Variants in FBXL7 observed in about 807,000 individuals in gnomAD.
The protein encoded by FBXL7 is F-box and leucine rich repeat protein 7.
A neutral mutation model predicts 38.3 loss-of-function variants in FBXL7; 12 were observed. That is an observed-to-expected ratio of 0.31 (90% CI 0.20 to 0.51). The LOEUF (loss-of-function observed/expected upper bound fraction) is 0.51. Among genes scored for constraint, FBXL7 ranks in the 20% least tolerant of loss-of-function variants. The pLI, the probability that FBXL7 is intolerant of heterozygous loss-of-function variation, is 0.98. For synonymous variants in FBXL7, 297 were observed against 300.9 expected (o/e 0.99, Z 0.13); for missense variants, 567 against 676.4 (o/e 0.84, Z 1.79).
chr5:15,566,492 T>A (rs565837433), intron 1 of FBXL7, among the ~76,000 whole-genome samples: 1 of 152,252 alleles, frequency 6.6e-6, no homozygotes, highest in South Asian at 2.1e-4. Context: ...GTAACTACCA[T>A]GTGCAGTGCA....
At chr5:15,564,416 A>G (rs796828844) in intron 1 of FBXL7, among the ~76,000 whole-genome samples, 103 of 116,766 alleles carry the variant, frequency 8.8e-4, no homozygotes, top group Middle Eastern at 4.3e-3. Flanking sequence ...GTGTGTGTGT[A>G]TGTGTATACA....
In FBXL7 at chr5:15,865,815, A is replaced by T. The variant is rs550344299; in HGVS notation, c.128-62075A>T. Among the ~76,000 whole-genome samples, 109 of 152,308 alleles carry T rather than the reference A, an allele frequency of 7.2e-4. 1 individual carries two copies. The highest frequency in any genetic ancestry group is 2.3e-3 in the African/African-American group (97 of 41,560). Reference sequence around the variant, plus strand: ...ACTTTTACTTAGAGCTATTTTCATCATAATTGTTGTGAGATGAAATGCTGG... The same window carrying T: ...ACTTTTACTTAGAGCTATTTTCATCTTAATTGTTGTGAGATGAAATGCTGG... On this transcript the variant is annotated intron_variant, in intron 2 of 3. Transcript: ENST00000504595.
intron 2 of FBXL7, among the ~76,000 whole-genome samples, chr5:15,619,058 T>C (rs1353456355): frequency 2.0e-5 from 3 of 152,178 alleles, no homozygotes; most frequent in Admixed American, 1.3e-4. Context: ...CTCTTTCCCA[T>C]GATTCTTCCC....
intron 2 of FBXL7, among the ~76,000 whole-genome samples, chr5:15,708,379 G>T (rs1351018764): frequency 6.6e-6 from 1 of 152,194 alleles, no homozygotes; most frequent in Non-Finnish European, 1.5e-5. Context: ...TGTCTTAGCA[G>T]ATGTAAAGGG....
At chr5:15,687,896 T>C (rs960595955) in intron 2 of FBXL7, among the ~76,000 whole-genome samples, 2 of 152,214 alleles carry the variant, frequency 1.3e-5, no homozygotes, top group Non-Finnish European at 2.9e-5. Context: ...GTACTAAGAA[T>C]TGGAGCTTTT....
chr5:15,504,771 A>C (rs1736598901), intron 1 of FBXL7, among the ~76,000 whole-genome samples: 1 of 152,230 alleles, frequency 6.6e-6, no homozygotes. Context: ...TAGAACCATT[A>C]GCTTTGACTC....
At chr5:15,745,214 G>C (rs766754235) in intron 2 of FBXL7, among the ~76,000 whole-genome samples, 10 of 132,822 alleles carry the variant, frequency 7.5e-5, no homozygotes, top group Non-Finnish European at 1.3e-4. Context: ...GACTATGAAA[G>C]TGTATTATTT....
At chr5:15,773,919 C>T (rs1353798285) in intron 2 of FBXL7, among the ~76,000 whole-genome samples, 2 of 152,116 alleles carry the variant, frequency 1.3e-5, no homozygotes, top group African/African-American at 4.8e-5. Context: ...CATAAATGTT[C>T]ACTGTGGTTC....
intron 2 of FBXL7, among the ~76,000 whole-genome samples, chr5:15,882,874 G>C (rs1293557752): frequency 1.3e-5 from 2 of 151,714 alleles, no homozygotes; most frequent in Admixed American, 6.5e-5. Flanking sequence ...TCGAATGTCA[G>C]AGCTCTTCAT....
chr5:15,540,256 A>G (rs1008213459), intron 1 of FBXL7, among the ~76,000 whole-genome samples: 3 of 152,174 alleles, frequency 2.0e-5, no homozygotes, highest in African/African-American at 4.8e-5. Flanking sequence ...ACAATTTGGT[A>G]TTGCCCATCA....
chr5:15,934,792 G>A (rs752032030), intron 3 of FBXL7, among the ~76,000 whole-genome samples: 1 of 152,058 alleles, frequency 6.6e-6, no homozygotes, highest in South Asian at 2.1e-4. Flanking sequence ...TCTATAAACC[G>A]CTCATTCATT....
rs542532699 is a variant in FBXL7, at chr5:15,833,925, A to G, written c.128-93965A>G. The stretch of plus-strand genomic sequence containing the variant: ...ACACATATTTAAGTAACAATTTTAT[A>G]TAGGGAAGATCTGATTTCTACTCTT... On this transcript the variant is annotated intron_variant, in intron 2 of 3. Coordinates refer to ENST00000504595, the MANE Select transcript of FBXL7 (RefSeq NM_012304.5). Among the ~76,000 whole-genome samples, 3 of 152,362 alleles carry G rather than the reference A, an allele frequency of 2.0e-5. No individual in the cohort carries two copies. In the South Asian group the frequency reaches 6.2e-4, roughly 32 times the overall value.
chr5:15,734,563 A>G (rs370230085), intron 2 of FBXL7, among the ~76,000 whole-genome samples: 22 of 152,338 alleles, frequency 1.4e-4, no homozygotes, highest in African/African-American at 4.8e-4. Context: ...AGTTATGTCC[A>G]TTAACCCTTC....
intron 2 of FBXL7, among the ~76,000 whole-genome samples, chr5:15,771,093 T>C (rs1310311243): frequency 6.6e-6 from 1 of 152,212 alleles, no homozygotes; most frequent in African/African-American, 2.4e-5. Context: ...TTAAGCCTTC[T>C]CTGCGACAAA....
chr5:15,775,181 G>A (rs957645663), intron 2 of FBXL7, among the ~76,000 whole-genome samples: 2 of 152,162 alleles, frequency 1.3e-5, no homozygotes, highest in Non-Finnish European at 2.9e-5. Flanking sequence ...CACAAGCATT[G>A]AGCAAGAAAG....
intron 2 of FBXL7, among the ~76,000 whole-genome samples, chr5:15,649,514 G>A (rs1287671329): frequency 6.6e-6 from 1 of 152,080 alleles, no homozygotes; most frequent in Non-Finnish European, 1.5e-5. Flanking sequence ...CGCAGAGAAG[G>A]GAACAAAAGA....
intron 1 of FBXL7, among the ~76,000 whole-genome samples, chr5:15,502,771 C>G (rs1011841413): frequency 7.2e-5 from 11 of 152,288 alleles, no homozygotes; most frequent in Non-Finnish European, 1.5e-4. Context: ...CTTTGTTATT[C>G]CATGGTAGAT....
chr5:15,842,622 A>G (rs1738779892), intron 2 of FBXL7, among the ~76,000 whole-genome samples: 1 of 152,144 alleles, frequency 6.6e-6, no homozygotes, highest in African/African-American at 2.4e-5. Context: ...GAACTGTAAT[A>G]ATGCCCTCAT....
chr5:15,930,956 T>G (rs901160582), intron 3 of FBXL7, among the ~76,000 whole-genome samples: 2 of 152,230 alleles, frequency 1.3e-5, no homozygotes, highest in African/African-American at 4.8e-5. Flanking sequence ...GTTTTACAGC[T>G]GGGCCCCGAT....
Sources: gnomAD v4.1 joint callset for allele counts (sites outside exome capture counted in the v4.1 genomes callset) on GRCh38, gnomAD v4.1.1 for gene constraint, MANE v1.5 for transcripts, NCBI Gene and HGNC (gene_info 2026-07-23, HGNC 2026-07-21) for gene names.